Variants in RBFOX1 observed in about 807,000 individuals in gnomAD.
RBFOX1 encodes RNA binding protein fox-1 homolog 1.
A neutral mutation model predicts 57.7 loss-of-function variants in RBFOX1; 8 were observed. That is an observed-to-expected ratio of 0.14 (90% CI 0.08 to 0.25). RBFOX1 has a LOEUF of 0.25. Among genes scored for constraint, RBFOX1 ranks in the 10% least tolerant of loss-of-function variants. The pLI is 1.00. For synonymous variants in RBFOX1, 326 were observed against 222.4 expected (o/e 1.47, Z -4.15); for missense variants, 611 against 548.5 (o/e 1.11, Z -1.14).
chr16:7,300,332 T>G (rs996764148), intron 4 of RBFOX1, among the ~76,000 whole-genome samples: 5 of 152,116 alleles, frequency 3.3e-5, no homozygotes, highest in African/African-American at 1.2e-4. Context: ...CAGCACTAAC[T>G]AAATATGATT....
intron 3 of RBFOX1, among the ~76,000 whole-genome samples, chr16:6,817,158 C>T (rs1037881555): frequency 1.3e-5 from 2 of 152,142 alleles, no homozygotes; most frequent in Non-Finnish European, 2.9e-5. Context: ...TGAGTAAAGG[C>T]TGATCCCTTG....
At chr16:6,871,172 C>T (rs964166193) in intron 3 of RBFOX1, among the ~76,000 whole-genome samples, 1 of 152,088 alleles carries the variant, frequency 6.6e-6, no homozygotes, top group Non-Finnish European at 1.5e-5. Context: ...AGTTTAATTC[C>T]ATGTTTCAGA....
chr16:7,130,276 C>T (rs1022500838), intron 4 of RBFOX1, among the ~76,000 whole-genome samples: 3 of 152,112 alleles, frequency 2.0e-5, no homozygotes, highest in African/African-American at 7.2e-5. Context: ...CTCAGGTGAT[C>T]TACCCACATC....
intron 3 of RBFOX1, among the ~76,000 whole-genome samples, chr16:5,693,230 C>T (rs928056608): frequency 6.6e-6 from 1 of 152,038 alleles, no homozygotes; most frequent in African/African-American, 2.4e-5. Context: ...CTCTCCTGAC[C>T]TAACTTCATA....
chr16:6,740,083 A>G lies in RBFOX1; in HGVS notation c.-16+85433A>G, dbSNP rs191803053. On this transcript the variant is annotated intron_variant, in intron 3 of 15. Coordinates refer to ENST00000550418, the MANE Select transcript of RBFOX1 (RefSeq NM_018723.4). ...ACTTATGCACCCCAACCTAATGAGG[A>G]ATAGTCCAGTAATACAATACTAATT... 4.6e-5 allele frequency among the ~76,000 whole-genome samples: 7 copies of G among 152,338 alleles called. No homozygotes were observed. In the East Asian group the frequency reaches 1.4e-3, roughly 29 times the overall value.
intron 2 of RBFOX1, among the ~76,000 whole-genome samples, chr16:6,543,300 C>G (rs1424223844): frequency 2.0e-5 from 3 of 152,080 alleles, no homozygotes; most frequent in African/African-American, 7.2e-5. Context: ...ACAGTTGCCC[C>G]TCCTTGAGAC....
At chr16:5,706,057 C>T (rs776249936) in intron 3 of RBFOX1, among the ~76,000 whole-genome samples, 4 of 152,196 alleles carry the variant, frequency 2.6e-5, no homozygotes, top group East Asian at 1.9e-4. Context: ...ATTATAGGTG[C>T]GTGCCACCAT....
At chr16:6,837,789 T>C (rs1252793559) in intron 3 of RBFOX1, among the ~76,000 whole-genome samples, 1 of 152,338 alleles carries the variant, frequency 6.6e-6, no homozygotes, top group African/African-American at 2.4e-5. Flanking sequence ...AATCTTGTTA[T>C]CATTGGTAGA....
intron 3 of RBFOX1, among the ~76,000 whole-genome samples, chr16:6,683,081 C>G (rs956100535): frequency 6.6e-6 from 1 of 152,044 alleles, no homozygotes; most frequent in African/African-American, 2.4e-5. Context: ...ATGTAGAATA[C>G]TGGAGACTCG....
At chr16:6,491,926 C>T (rs1462965947) in intron 2 of RBFOX1, among the ~76,000 whole-genome samples, 1 of 152,088 alleles carries the variant, frequency 6.6e-6, no homozygotes, top group Non-Finnish European at 1.5e-5. Flanking sequence ...TATAACTCTC[C>T]TATTAGGATT....
intron 2 of RBFOX1, among the ~76,000 whole-genome samples, chr16:6,423,967 T>C (rs115266266): frequency 0.01 from 1,539 of 152,226 alleles, 30 homozygotes; most frequent in African/African-American, 0.033. Flanking sequence ...TGTCCAGGCG[T>C]GGTGGCTCAC....
At chr16:7,223,960 C>T (rs942842631) in intron 4 of RBFOX1, among the ~76,000 whole-genome samples, 5 of 151,806 alleles carry the variant, frequency 3.3e-5, no homozygotes, top group African/African-American at 1.2e-4. Flanking sequence ...CTCATTGTTC[C>T]ACATGTGGCT....
chr16:7,518,103 C>G (rs202021640), intron 4 of RBFOX1, 44 bp from the exon 5 acceptor site: 1 of 1,577,810 alleles, frequency 6.3e-7, no homozygotes, highest in Non-Finnish European at 8.6e-7. Context: ...CATGGTGGCT[C>G]CTCATGACGT....
chr16:5,742,748 A>T (rs530680180), intron 3 of RBFOX1, among the ~76,000 whole-genome samples: 1 of 152,348 alleles, frequency 6.6e-6, no homozygotes, highest in African/African-American at 2.4e-5. Context: ...GTTTACGTCT[A>T]GATAGCGTTT....
rs576861513 is a variant in RBFOX1 at position 7,554,245 on chromosome 16, A to G, written c.271-25532A>G. 3.3e-5 allele frequency among the ~76,000 whole-genome samples: 5 copies of G among 152,328 alleles called. No individual in the cohort carries two copies. The East Asian group carries it at 9.6e-4, about 29-fold the overall frequency. The stretch of plus-strand genomic sequence containing the variant: ...GGGAACAAAGAGTAGCAGGCAAAGG[A>G]ATGCACAGAAATATTTAGTCATAGC... On this transcript the variant is annotated intron_variant, in intron 5 of 15. Transcript: ENST00000550418.
chr16:6,544,572 C>T (rs548796358), intron 2 of RBFOX1, among the ~76,000 whole-genome samples: 22 of 152,120 alleles, frequency 1.4e-4, no homozygotes, highest in South Asian at 4.1e-4. Context: ...TCTTAGCATT[C>T]GATCGTATTG....
At chr16:7,403,052 C>G (rs931131797) in intron 4 of RBFOX1, among the ~76,000 whole-genome samples, 1 of 152,212 alleles carries the variant, frequency 6.6e-6, no homozygotes, top group Non-Finnish European at 1.5e-5. Context: ...GGCTTGATTT[C>G]TCCTGGATTA....
chr16:5,676,527 A>G (rs1213166540), intron 3 of RBFOX1, among the ~76,000 whole-genome samples: 3 of 152,286 alleles, frequency 2.0e-5, no homozygotes, highest in East Asian at 1.9e-4. Context: ...GCAGATAGCA[A>G]TGAGTTGTTG....
chr16:6,064,154 A>G (rs2095727491), intron 1 of RBFOX1, among the ~76,000 whole-genome samples: 1 of 152,192 alleles, frequency 6.6e-6, no homozygotes. Context: ...CTACATGATC[A>G]TCTGTCTAGG....
Sources: allele counts gnomAD v4.1 joint callset (sites outside exome capture counted in the v4.1 genomes callset), GRCh38; gene constraint gnomAD v4.1.1; transcripts MANE v1.5; gene names NCBI Gene and HGNC (gene_info 2026-07-23, HGNC 2026-07-21).